TNS3: variants seen among roughly 807,000 people sequenced by gnomAD.
The protein encoded by TNS3 is tensin 3.
In TNS3, 45 loss-of-function variants were observed where a neutral mutation model predicts 140.9. The ratio of observed to expected loss-of-function variants is 0.32; its 90% CI spans 0.25 to 0.41. The LOEUF is 0.41. Ranked by LOEUF, TNS3 falls within the 10% of genes least tolerant of loss-of-function variation. The probability of loss-of-function intolerance (pLI) is 1.00; values close to 1 mark genes in which losing one functional copy is unlikely to be tolerated. For synonymous variants in TNS3, 815 were observed against 788.4 expected (o/e 1.03, Z -0.56); for missense variants, 1,716 against 1,906.7 (o/e 0.90, Z 1.86).
At chr7:47,567,797 A>C (rs558801796) in intron 1 of TNS3, among the ~76,000 whole-genome samples, 23 of 152,324 alleles carry the variant, frequency 1.5e-4, no homozygotes, top group Admixed American at 7.8e-4. Flanking sequence ...AAGATAATCT[A>C]AATAACTGAA....
chr7:47,286,050 C>G (rs993586606), intron 27 of TNS3, among the ~76,000 whole-genome samples: 2 of 152,212 alleles, frequency 1.3e-5, no homozygotes, highest in Non-Finnish European at 2.9e-5. Context: ...ACGAGAGGGA[C>G]AGTCCGCCTT....
intron 16 of TNS3, among the ~76,000 whole-genome samples, chr7:47,386,425 G>C (rs1792075658): frequency 6.6e-6 from 1 of 152,202 alleles, no homozygotes; most frequent in Non-Finnish European, 1.5e-5. Flanking sequence ...TTTAAATCTG[G>C]GCTCCCAGCT....
chr7:47,491,207 G>A (rs1012277896), intron 3 of TNS3, among the ~76,000 whole-genome samples: 4 of 152,254 alleles, frequency 2.6e-5, no homozygotes, highest in South Asian at 4.2e-4. Flanking sequence ...GAACATGCAC[G>A]GTATGTGGTG....
At chr7:47,293,406 T>C (rs1443672622) in intron 25 of TNS3, among the ~76,000 whole-genome samples, 3 of 152,166 alleles carry the variant, frequency 2.0e-5, no homozygotes, top group African/African-American at 4.8e-5. Flanking sequence ...TGTTGTTCCT[T>C]GTGCTGTGGG....
At chr7:47,533,698 G>A (rs1331993441) in intron 1 of TNS3, among the ~76,000 whole-genome samples, 3 of 152,112 alleles carry the variant, frequency 2.0e-5, no homozygotes, top group Non-Finnish European at 1.5e-5. Context: ...GACCCAGTGG[G>A]AGGTAACTGA....
intron 16 of TNS3, among the ~76,000 whole-genome samples, chr7:47,375,719 T>C (rs1399940804): frequency 6.6e-6 from 1 of 152,232 alleles, no homozygotes; most frequent in Non-Finnish European, 1.5e-5. Flanking sequence ...AATGCCCAAC[T>C]GTGCTCCCCG....
At chr7:47,452,199 C>A (rs1278083998) in intron 4 of TNS3, among the ~76,000 whole-genome samples, 1 of 152,196 alleles carries the variant, frequency 6.6e-6, no homozygotes, top group African/African-American at 2.4e-5. Flanking sequence ...ATTAGGATCC[C>A]CCTTAGATCA....
At chr7:47,580,187 C>G (rs1388018666) in intron 1 of TNS3, among the ~76,000 whole-genome samples, 1 of 152,152 alleles carries the variant, frequency 6.6e-6, no homozygotes, top group Non-Finnish European at 1.5e-5. Flanking sequence ...GCAGCAGCAG[C>G]CAGGAACAGG....
chr7:47,547,214 A>C (rs1799945882), intron 1 of TNS3, among the ~76,000 whole-genome samples: 1 of 152,150 alleles, frequency 6.6e-6, no homozygotes, highest in African/African-American at 2.4e-5. Flanking sequence ...TGACCAAAAC[A>C]GGTAAGCAGA....
Position 47,380,993 on chromosome 7 carries a change from T to C in TNS3, c.1025-11372A>G, listed in dbSNP as rs1461089785. ...CTCCTTGGCTATGTAGGGACTTTGATTCCGCCAAAAAGGCCAGGGCAATGT... is the reference window on the plus strand; with the variant it reads ...CTCCTTGGCTATGTAGGGACTTTGACTCCGCCAAAAAGGCCAGGGCAATGT... On this transcript the variant is annotated intron_variant, in intron 16 of 30. Transcript: ENST00000311160. Among the ~76,000 whole-genome samples the C allele has an allele frequency of 3.3e-5, 5 of 152,172 alleles. No individual in the cohort carries two copies. The East Asian group carries it at 5.8e-4, about 18-fold the overall frequency.
At chr7:47,483,172 T>G (rs1305028648) in intron 3 of TNS3, among the ~76,000 whole-genome samples, 4 of 12,722 alleles carry the variant, frequency 3.1e-4, no homozygotes, top group African/African-American at 3.4e-4. Context: ...GTGTGTCCAA[T>G]TTTTTTTTTT....
intron 20 of TNS3, among the ~76,000 whole-genome samples, chr7:47,318,779 C>A (rs10215395): frequency 7.2e-5 from 11 of 151,936 alleles, no homozygotes; most frequent in African/African-American, 2.4e-4. Flanking sequence ...GAGTGGACAG[C>A]GGTCAGAGAA....
chr7:47,422,890 A>C (rs80049378), intron 10 of TNS3, among the ~76,000 whole-genome samples: 5,984 of 152,030 alleles, frequency 0.039, 169 homozygotes, highest in Non-Finnish European at 0.06. Context: ...CAAAAAAAAA[A>C]CCCAAGTGAC....
intron 9 of TNS3, among the ~76,000 whole-genome samples, chr7:47,425,198 T>A (rs1253537678): frequency 6.6e-6 from 1 of 152,072 alleles, no homozygotes; most frequent in Non-Finnish European, 1.5e-5. Flanking sequence ...GTGCCTATAA[T>A]CCCAGCTACT....
intron 3 of TNS3, among the ~76,000 whole-genome samples, chr7:47,495,538 G>A (rs1313040169): frequency 2.0e-5 from 3 of 152,152 alleles, no homozygotes; most frequent in East Asian, 1.9e-4. Flanking sequence ...CAACAGGGGC[G>A]GGCTTCCAAC....
intron 2 of TNS3, among the ~76,000 whole-genome samples, chr7:47,524,808 C>CAA (rs1354544006): frequency 0.048 from 1,206 of 25,102 alleles, 325 homozygotes; most frequent in African/African-American, 0.078. Context: ...GACTCCGTCT[C>CAA]AAGAAAAAAA....
At chr7:47,481,425 T>C in intron 3 of TNS3, 1 of 313,452 alleles carries the variant, frequency 3.2e-6, no homozygotes, top group Non-Finnish European at 6.0e-6. Context: ...GCCCCCACTT[T>C]CACAAAGAAC....
chr7:47,400,739 A>G, intron 14 of TNS3, 46 bp downstream of exon 14: 1 of 1,604,706 alleles, frequency 6.2e-7, no homozygotes, highest in Non-Finnish European at 8.5e-7. Flanking sequence ...AAGGAGGTTC[A>G]ACCGCAGCTG....
rs201592312 is a variant in TNS3, at chr7:47,555,741, C to T, written c.-265+26310G>A. Among the ~76,000 whole-genome samples the T allele has an allele frequency of 1.5e-4, 23 of 152,334 alleles. No individual in the cohort carries two copies. In the East Asian group the frequency reaches 2.7e-3, roughly 18 times the overall value. On this transcript the variant is annotated intron_variant, in intron 1 of 30. Coordinates refer to ENST00000311160, the MANE Select transcript of TNS3 (RefSeq NM_022748.12). ...GATTGTTACCATTCTTTAGCAATAA[C>T]GCATTTTTAAATTGACATGTACATT... is the stretch of plus-strand genomic sequence containing the variant.
Sources: gnomAD v4.1 joint callset for allele counts (sites outside exome capture counted in the v4.1 genomes callset) on GRCh38, gnomAD v4.1.1 for gene constraint, MANE v1.5 for transcripts, NCBI Gene and HGNC (gene_info 2026-07-23, HGNC 2026-07-21) for gene names.